The following KCNQ3 variants were observed in gnomAD, a reference collection of about 807,000 sequenced individuals.
The protein encoded by KCNQ3 is potassium voltage-gated channel subfamily KQT member 3.
KCNQ3 carries 30 observed loss-of-function variants against 92.5 expected under a neutral mutation model. That is an observed-to-expected ratio of 0.32 (90% CI 0.24 to 0.44). The LOEUF is 0.44. Ranked by LOEUF, KCNQ3 falls within the 20% of genes least tolerant of loss-of-function variation. KCNQ3 has a pLI of 1.00. For missense variants in KCNQ3, 913 were observed against 1,140.3 expected, an observed-to-expected ratio of 0.80 and a Z score of 2.87; for synonymous variants, 450 against 468.8, an observed-to-expected ratio of 0.96 and a Z score of 0.52.
chr8:132,428,840 T>A (rs937771261), intron 1 of KCNQ3, among the ~76,000 whole-genome samples: 1 of 152,032 alleles, frequency 6.6e-6, no homozygotes, highest in East Asian at 1.9e-4. Flanking sequence ...GGTTGACATA[T>A]GAAAAAGAGA....
At chr8:132,196,000 CACCTAATAGATCTCCAGAT>C (rs1827289337) in intron 1 of KCNQ3, among the ~76,000 whole-genome samples, 2 of 152,154 alleles carry the variant, frequency 1.3e-5, no homozygotes, top group African/African-American at 4.8e-5. Flanking sequence ...ACCTAATATG[CACCTAATAGATCTCCAGAT>C]ACCTAATAGA....
chr8:132,359,383 A>T (rs1214241696), intron 1 of KCNQ3, among the ~76,000 whole-genome samples: 1 of 152,074 alleles, frequency 6.6e-6, no homozygotes, highest in Admixed American at 6.5e-5. Flanking sequence ...CTTCTCTCTC[A>T]TAGGCTTATC....
At chr8:132,249,291 ATTTTACAGAGAGCTGATTGGTCTG>A (rs1380205930) in intron 1 of KCNQ3, among the ~76,000 whole-genome samples, 3 of 152,120 alleles carry the variant, frequency 2.0e-5, no homozygotes, top group East Asian at 1.9e-4. Flanking sequence ...CGATTGGTCC[ATTTTACAGAGAGCTGATTGGTCTG>A]TTTTACAGAG....
chr8:132,428,419 T>C (rs986121265), intron 1 of KCNQ3, among the ~76,000 whole-genome samples: 2 of 152,192 alleles, frequency 1.3e-5, no homozygotes, highest in African/African-American at 4.8e-5. Flanking sequence ...ATTATTACCA[T>C]AATTAACAAA....
chr8:132,126,479 A>G lies in KCNQ3; in HGVS notation c.*2783T>C, dbSNP rs1430503539. On this transcript the variant is annotated 3_prime_UTR_variant, in exon 15 of 15. Transcript: ENST00000388996. ...ATATTTTTTGGGGAACAAAAGGAGA[A>G]TATCAAAGCAGAGTTATTCCAGAAG... The G allele has an allele frequency of 6.6e-6, 1 of 152,202 alleles. No homozygotes were observed. Among genetic ancestry groups the G allele is most frequent in the Non-Finnish European group, 1.5e-5 (1 of 68,044 alleles). 9.4% of individuals were successfully genotyped at this position (152,202 alleles called of 1,614,324 possible).
chr8:132,200,322 A>G (rs1402207774), intron 1 of KCNQ3, among the ~76,000 whole-genome samples: 1 of 151,512 alleles, frequency 6.6e-6, no homozygotes, highest in Non-Finnish European at 1.5e-5. Context: ...TTGTTTAATT[A>G]TTGTCTATGG....
chr8:132,128,827 T>G lies in KCNQ3; in HGVS notation c.*435A>C. The stretch of plus-strand genomic sequence containing the variant: ...ATTATTTCCTTGCTTTCAAAAACAG[T>G]TAATTGCTGGAGCGTTTTACACAAG... On this transcript the variant is annotated 3_prime_UTR_variant, in exon 15 of 15. Coordinates refer to ENST00000388996, the MANE Select transcript of KCNQ3 (RefSeq NM_004519.4). 1 of 177,968 alleles carries G rather than the reference T, an allele frequency of 5.6e-6. No individual in the cohort carries two copies. The highest frequency in any genetic ancestry group is 1.4e-4 in the South Asian group (1 of 7,224). The allele number at this position is 177,968 out of a possible 1,614,324, so 11.0% of individuals were successfully genotyped here.
chr8:132,338,728 G>A (rs1052097783), intron 1 of KCNQ3, among the ~76,000 whole-genome samples: 1 of 152,182 alleles, frequency 6.6e-6, no homozygotes, highest in Non-Finnish European at 1.5e-5. Flanking sequence ...CTTTCTTGCT[G>A]AGGGGATGCT....
At chr8:132,450,498 C>G (rs1440045367) in intron 1 of KCNQ3, among the ~76,000 whole-genome samples, 1 of 152,234 alleles carries the variant, frequency 6.6e-6, no homozygotes, top group Non-Finnish European at 1.5e-5. Flanking sequence ...GGCTTCACCT[C>G]TCACCTCCGT....
chr8:132,306,326 C>T (rs1817420986), intron 1 of KCNQ3, among the ~76,000 whole-genome samples: 1 of 152,194 alleles, frequency 6.6e-6, no homozygotes, highest in South Asian at 2.1e-4. Flanking sequence ...TACAACTTCC[C>T]CTCAGGAACT....
At chr8:132,274,886 C>G (rs1340646754) in intron 1 of KCNQ3, among the ~76,000 whole-genome samples, 2 of 152,082 alleles carry the variant, frequency 1.3e-5, no homozygotes, top group African/African-American at 4.8e-5. Flanking sequence ...TGCACAGGAG[C>G]CCTGAGGCCC....
At chr8:132,362,099 T>G (rs1048549873) in intron 1 of KCNQ3, among the ~76,000 whole-genome samples, 1 of 152,214 alleles carries the variant, frequency 6.6e-6, no homozygotes, top group East Asian at 1.9e-4. Context: ...GCTCCTAAAA[T>G]GTTGATAGTG....
At position 132,232,949 on chromosome 8, in the gene KCNQ3, C is replaced by T. The variant is rs187585838; in HGVS notation, c.387-46768G>A. The stretch of plus-strand genomic sequence containing the variant: ...ATGCCGTGTTTTTATGATGATGAGG[C>T]AACTAAGGTGAGAGGAAAGCTAAGA... On this transcript the variant is annotated intron_variant, in intron 1 of 14. Coordinates refer to ENST00000388996, the MANE Select transcript of KCNQ3 (RefSeq NM_004519.4). Among the ~76,000 whole-genome samples the T allele has an allele frequency of 1.4e-3, 210 of 152,300 alleles. 2 individuals are homozygous for T. Among genetic ancestry groups the T allele is most frequent in the Middle Eastern group, 3.4e-3 (1 of 294 alleles).
intron 1 of KCNQ3, among the ~76,000 whole-genome samples, chr8:132,275,267 A>C (rs1293527940): frequency 6.6e-6 from 1 of 152,204 alleles, no homozygotes; most frequent in Non-Finnish European, 1.5e-5. Context: ...ATATAGAAAA[A>C]TGTGGAAAAA....
At chr8:132,407,288 G>A (rs1219989994) in intron 1 of KCNQ3, among the ~76,000 whole-genome samples, 1 of 152,178 alleles carries the variant, frequency 6.6e-6, no homozygotes, top group African/African-American at 2.4e-5. Flanking sequence ...GTCTTTCAGT[G>A]GCAGCGGACA....
At position 132,400,142 on chromosome 8, in the gene KCNQ3, C is replaced by G. The variant is rs143497838; in HGVS notation, c.386+80005G>C. Reference sequence around the variant, plus strand: ...GCATGTTCAGGGCAACAGACAAACACGTATGTACTATTCACCAATTCCATT... The same window carrying G: ...GCATGTTCAGGGCAACAGACAAACAGGTATGTACTATTCACCAATTCCATT... On this transcript the variant is annotated intron_variant, in intron 1 of 14. Transcript: ENST00000388996. 2.6e-5 allele frequency among the ~76,000 whole-genome samples: 4 copies of G among 152,318 alleles called. No individual in the cohort carries two copies. The East Asian group carries it at 7.7e-4, about 29-fold the overall frequency.
intron 1 of KCNQ3, among the ~76,000 whole-genome samples, chr8:132,363,052 T>G (rs1187063030): frequency 6.6e-6 from 1 of 152,032 alleles, no homozygotes. Flanking sequence ...ACTCAATGGG[T>G]ACTGCCAACA....
intron 1 of KCNQ3, among the ~76,000 whole-genome samples, chr8:132,272,379 C>T (rs1264667170): frequency 6.6e-6 from 1 of 152,198 alleles, no homozygotes; most frequent in Non-Finnish European, 1.5e-5. Context: ...GCCAAAGCTA[C>T]CCTTTCTGTA....
intron 1 of KCNQ3, among the ~76,000 whole-genome samples, chr8:132,330,872 C>A (rs1476140666): frequency 6.6e-6 from 1 of 152,180 alleles, no homozygotes; most frequent in East Asian, 1.9e-4. Context: ...GAATTGAGAG[C>A]CCCAGGAGTC....
Sources: gnomAD v4.1 joint callset for allele counts (sites outside exome capture counted in the v4.1 genomes callset) on GRCh38, gnomAD v4.1.1 for gene constraint, MANE v1.5 for transcripts, NCBI Gene and HGNC (gene_info 2026-07-23, HGNC 2026-07-21) for gene names.